The following ATP9B variants were observed in gnomAD, a reference collection of about 807,000 sequenced individuals.
ATP9B encodes probable phospholipid-transporting ATPase IIB.
Under a neutral mutation model 146.1 loss-of-function variants are expected in ATP9B, and 110 were observed. That is an observed-to-expected ratio of 0.75 (90% confidence interval 0.65 to 0.88). ATP9B has a LOEUF of 0.88. Among genes scored for constraint, ATP9B ranks in the 40% least tolerant of loss-of-function variants. The probability of loss-of-function intolerance (pLI) is 0.00; values close to 1 mark genes in which losing one functional copy is unlikely to be tolerated. For synonymous variants in ATP9B, 604 were observed against 569.7 expected (o/e 1.06, Z -0.86); for missense variants, 1,499 against 1,496.4 (o/e 1.00, Z -0.03).
At chr18:79,334,350 C>T (rs1416641184) in intron 17 of ATP9B, among the ~76,000 whole-genome samples, 2 of 151,760 alleles carry the variant, frequency 1.3e-5, no homozygotes, top group Non-Finnish European at 1.5e-5. Flanking sequence ...GAGCAAGACT[C>T]TGTCTCAAAA....
chr18:79,189,979 G>A (rs571711310), intron 8 of ATP9B, among the ~76,000 whole-genome samples: 38 of 152,326 alleles, frequency 2.5e-4, no homozygotes, highest in African/African-American at 7.7e-4. Context: ...GAGCGGAGAC[G>A]GCTCACACAG....
intron 11 of ATP9B, among the ~76,000 whole-genome samples, chr18:79,225,705 G>C (rs185582359): frequency 7.9e-6 from 1 of 126,874 alleles, no homozygotes; most frequent in South Asian, 2.4e-4. Flanking sequence ...CGCAGTTGCA[G>C]GGCGGCCACT....
At chr18:79,306,818 A>G in intron 14 of ATP9B, among the ~76,000 whole-genome samples, 168 bp from the exon 15 acceptor site, 1 of 151,670 alleles carries the variant, frequency 6.6e-6, no homozygotes, top group Non-Finnish European at 1.5e-5. Context: ...TACTAGGCTT[A>G]AAAAAATAAC....
intron 11 of ATP9B, among the ~76,000 whole-genome samples, chr18:79,244,486 A>AC (rs2095922510): frequency 6.6e-6 from 1 of 152,182 alleles, no homozygotes; most frequent in African/African-American, 2.4e-5. Context: ...AAGGAAAGAC[A>AC]GACCTTGTGC....
At chr18:79,236,475 T>C (rs1049007320) in intron 11 of ATP9B, among the ~76,000 whole-genome samples, 4 of 141,612 alleles carry the variant, frequency 2.8e-5, no homozygotes, top group African/African-American at 9.9e-5. Flanking sequence ...TTATCAACCT[T>C]TTTTTTTTAT....
At chr18:79,187,740 CCT>C (rs1364706627) in intron 8 of ATP9B, among the ~76,000 whole-genome samples, 1 of 152,172 alleles carries the variant, frequency 6.6e-6, no homozygotes, top group Non-Finnish European at 1.5e-5. Flanking sequence ...GTTATAATTC[CCT>C]GTTTCATTAG....
chr18:79,169,317 C>T (rs1322412932), intron 7 of ATP9B, among the ~76,000 whole-genome samples: 2 of 152,160 alleles, frequency 1.3e-5, no homozygotes, highest in African/African-American at 4.8e-5. Context: ...TCTGTCTTTA[C>T]TTGTTATACT....
intron 11 of ATP9B, among the ~76,000 whole-genome samples, chr18:79,235,632 G>C (rs1257611725): frequency 7.0e-6 from 1 of 142,092 alleles, no homozygotes; most frequent in African/African-American, 2.6e-5. Context: ...CCCACTCATG[G>C]TGCGTCACAC....
At chr18:79,228,398 T>C (rs1165426257) in intron 11 of ATP9B, among the ~76,000 whole-genome samples, 1 of 152,222 alleles carries the variant, frequency 6.6e-6, no homozygotes, top group Non-Finnish European at 1.5e-5. Flanking sequence ...ACCAAACTCC[T>C]CTTACTGTGA....
chr18:79,304,711 A>C (rs1000094736), intron 14 of ATP9B, among the ~76,000 whole-genome samples: 7 of 152,184 alleles, frequency 4.6e-5, no homozygotes, highest in African/African-American at 1.7e-4. Flanking sequence ...CACACTGAGC[A>C]CAGCCCTGGC....
intron 9 of ATP9B, among the ~76,000 whole-genome samples, chr18:79,195,298 A>G (rs546738475): frequency 1.1e-4 from 16 of 152,176 alleles, no homozygotes; most frequent in Non-Finnish European, 1.5e-4. Context: ...CCCAGGCTAG[A>G]GTGCAGTGGT....
intron 13 of ATP9B, among the ~76,000 whole-genome samples, chr18:79,286,119 A>G (rs1225439340): frequency 8.7e-5 from 13 of 149,970 alleles, no homozygotes; most frequent in Admixed American, 6.0e-4. Flanking sequence ...TTGGTTCCAT[A>G]TGAACTTTAA....
chr18:79,209,961 C>T (rs1449267727), intron 10 of ATP9B, among the ~76,000 whole-genome samples: 1 of 152,126 alleles, frequency 6.6e-6, no homozygotes, highest in East Asian at 1.9e-4. Context: ...TACTCTTATA[C>T]TTTAAAAGTC....
intron 17 of ATP9B, 141 bp downstream of exon 17, chr18:79,330,245 A>T (rs926814105): frequency 1.3e-6 from 1 of 742,254 alleles, no homozygotes; most frequent in Non-Finnish European, 2.3e-6. Flanking sequence ...CAGCTTGCAG[A>T]CACTGGTATC....
In ATP9B at chr18:79,305,594, C is replaced by CT. The variant is rs200234942; in HGVS notation, c.1525-1387dup. ...TTGAAATAGTACCAGATGAGCTCTG[C>CT]TTTTTAAAAAAAAAAAATTATCTAT... On this transcript the variant is annotated intron_variant, in intron 14 of 29. Coordinates refer to ENST00000426216, the MANE Select transcript of ATP9B (RefSeq NM_198531.5). Among the ~76,000 whole-genome samples the CT allele has an allele frequency of 4.2e-4, 64 of 150,868 alleles. 1 individual carries two copies. Among genetic ancestry groups the CT allele is most frequent in the Admixed American group, 1.8e-3 (27 of 15,170 alleles).
chr18:79,244,353 T>C (rs1370658207), intron 11 of ATP9B, among the ~76,000 whole-genome samples: 2 of 152,196 alleles, frequency 1.3e-5, no homozygotes, highest in Non-Finnish European at 2.9e-5. Context: ...TCCCACCATC[T>C]ATGGCCCAAC....
chr18:79,334,579 A>T (rs1568727543), intron 17 of ATP9B, among the ~76,000 whole-genome samples: 1 of 151,964 alleles, frequency 6.6e-6, no homozygotes, highest in African/African-American at 2.4e-5. Flanking sequence ...CACACAGCAG[A>T]GGGGGGTGGG....
intron 7 of ATP9B, among the ~76,000 whole-genome samples, chr18:79,172,734 T>C (rs1303256382): frequency 6.6e-6 from 1 of 152,290 alleles, no homozygotes; most frequent in East Asian, 1.9e-4. Flanking sequence ...TACTGCTAAC[T>C]AGGATTTCAT....
chr18:79,075,844 T>C (rs1338775532), intron 1 of ATP9B, among the ~76,000 whole-genome samples: 2 of 152,240 alleles, frequency 1.3e-5, no homozygotes, highest in African/African-American at 4.8e-5. Flanking sequence ...TTTCTCGGTT[T>C]TCTTTTTCCT....
Sources: allele counts gnomAD v4.1 joint callset (sites outside exome capture counted in the v4.1 genomes callset), GRCh38; gene constraint gnomAD v4.1.1; transcripts MANE v1.5; gene names NCBI Gene and HGNC (gene_info 2026-07-23, HGNC 2026-07-21).